The following NR6A1 variants were observed in gnomAD, a reference collection of about 807,000 sequenced individuals.
NR6A1 encodes nuclear receptor subfamily 6 group A member 1, also known as retinoic acid receptor-related testis-associated receptor.
Under a neutral mutation model 59.1 loss-of-function variants are expected in NR6A1, and 7 were observed. The observed-to-expected ratio is 0.12, with a 90% CI of 0.07 to 0.22. The LOEUF (loss-of-function observed/expected upper bound fraction) is 0.22. NR6A1 is among the 10% of genes least tolerant of loss of function. NR6A1 has a pLI of 1.00. For missense variants in NR6A1, 468 were observed against 611.6 expected (o/e 0.77, Z 2.48); for synonymous variants, 243 against 236.1 (o/e 1.03, Z -0.27).
rs554739460 is a variant in NR6A1, at chr9:124,526,867, C to A, written c.1113G>T (p.Arg371=). 1 of 1,614,068 alleles carries A rather than the reference C, an allele frequency of 6.2e-7. No homozygotes were observed. The highest frequency in any genetic ancestry group is 1.1e-5 in the South Asian group (1 of 91,076). The change falls in exon 8 of 10, where the codon CGG becomes CGT. Residue 371 remains arginine, a synonymous_variant. Coordinates refer to ENST00000487099, the MANE Select transcript of NR6A1 (RefSeq NM_033334.4). The part of the protein sequence containing the change: ...FSDEGMEVIE[R]LIYLYHKFHQ... ...GGAACTTGTGATAGAGGTAGATGAGCCGCTCGATCACCTCCATCCCTTCAT... is the reference window on the plus strand; with the variant it reads ...GGAACTTGTGATAGAGGTAGATGAGACGCTCGATCACCTCCATCCCTTCAT...
chr9:124,594,585 C>T (rs1356511218), intron 2 of NR6A1, among the ~76,000 whole-genome samples: 2 of 152,190 alleles, frequency 1.3e-5, no homozygotes, highest in Non-Finnish European at 2.9e-5. Context: ...AATTTCTATG[C>T]ATACTGGGGG....
At chr9:124,722,617 A>G (rs751473273) in intron 2 of NR6A1, among the ~76,000 whole-genome samples, 1 of 152,044 alleles carries the variant, frequency 6.6e-6, no homozygotes, top group South Asian at 2.1e-4. Flanking sequence ...TATCTTGCCT[A>G]TTTTTTATCT....
intron 2 of NR6A1, among the ~76,000 whole-genome samples, chr9:124,673,047 C>T (rs964942668): frequency 2.6e-5 from 4 of 152,134 alleles, no homozygotes; most frequent in African/African-American, 7.2e-5. Context: ...CTGAGCCAGG[C>T]GCGGTAGCTC....
intron 2 of NR6A1, among the ~76,000 whole-genome samples, chr9:124,608,800 CAT>C (rs1023187798): frequency 1.3e-5 from 2 of 152,168 alleles, no homozygotes; most frequent in African/African-American, 4.8e-5. Flanking sequence ...GCCTCACCAG[CAT>C]ATGTTGTTTC....
intron 2 of NR6A1, among the ~76,000 whole-genome samples, chr9:124,603,624 T>C (rs1835505790): frequency 1.3e-5 from 2 of 152,174 alleles, no homozygotes; most frequent in Admixed American, 1.3e-4. Flanking sequence ...ATATATAACA[T>C]ATGTATCCGT....
At chr9:124,538,007 G>C (rs547901186) in intron 6 of NR6A1, 85 bp downstream of exon 6, 1 of 1,095,220 alleles carries the variant, frequency 9.1e-7, no homozygotes, top group Non-Finnish European at 1.3e-6. Context: ...CTGAAGCCAC[G>C]GGTATAGGAG....
chr9:124,556,516 A>G (rs937802954), intron 2 of NR6A1, among the ~76,000 whole-genome samples: 4 of 148,260 alleles, frequency 2.7e-5, no homozygotes, highest in African/African-American at 1.0e-4. Context: ...GCTGGAGTGC[A>G]GTGGTTCAAT....
At chr9:124,632,216 C>A (rs1836466263) in intron 2 of NR6A1, among the ~76,000 whole-genome samples, 1 of 152,158 alleles carries the variant, frequency 6.6e-6, no homozygotes, top group African/African-American at 2.4e-5. Context: ...AATGGTGTTA[C>A]TGTATCTAGG....
chr9:124,739,000 TA>T (rs397703492), intron 1 of NR6A1, among the ~76,000 whole-genome samples: 192 of 137,628 alleles, frequency 1.4e-3, no homozygotes, highest in Non-Finnish European at 1.2e-3. Flanking sequence ...AGACTCCATC[TA>T]AAAAAAAAAA....
chr9:124,634,770 C>A lies in NR6A1; in HGVS notation c.143-80200G>T, dbSNP rs143916637. Among the ~76,000 whole-genome samples the A allele has an allele frequency of 1.5e-4, 23 of 152,082 alleles. 1 individual carries two copies. In the East Asian group the frequency reaches 4.3e-3, roughly 28 times the overall value. On this transcript the variant is annotated intron_variant, in intron 2 of 9. Transcript: ENST00000487099. Reference sequence around the variant, plus strand: ...TCAGGAGGCGGAGTTTGCAATGAGCCGAGATCGCGCCACTGCACTCCAGCC... The same window carrying A: ...TCAGGAGGCGGAGTTTGCAATGAGCAGAGATCGCGCCACTGCACTCCAGCC...
intron 2 of NR6A1, among the ~76,000 whole-genome samples, chr9:124,594,196 T>C (rs1835208072): frequency 6.6e-6 from 1 of 152,262 alleles, no homozygotes; most frequent in African/African-American, 2.4e-5. Flanking sequence ...ATTAGAATTT[T>C]CAATGAAAGA....
At chr9:124,582,526 T>C (rs1269725835) in intron 2 of NR6A1, among the ~76,000 whole-genome samples, 1 of 151,976 alleles carries the variant, frequency 6.6e-6, no homozygotes, top group Non-Finnish European at 1.5e-5. Flanking sequence ...GACACACATT[T>C]ACCTATGTAA....
chr9:124,533,939 G>A (rs1425380937), intron 7 of NR6A1, among the ~76,000 whole-genome samples: 1 of 150,272 alleles, frequency 6.7e-6, no homozygotes, highest in Non-Finnish European at 1.5e-5. Flanking sequence ...GTGAGCCACC[G>A]CACCCGGCCA....
chr9:124,589,863 G>A (rs1004249947), intron 2 of NR6A1, among the ~76,000 whole-genome samples: 6 of 151,980 alleles, frequency 3.9e-5, no homozygotes, highest in African/African-American at 7.2e-5. Flanking sequence ...TCAAGAGATC[G>A]AGACCATCCT....
chr9:124,715,681 T>C (rs909693864), intron 2 of NR6A1, among the ~76,000 whole-genome samples: 6 of 152,096 alleles, frequency 3.9e-5, no homozygotes, highest in African/African-American at 1.4e-4. Context: ...GTTGATATGC[T>C]AATTCTGAAA....
intron 1 of NR6A1, among the ~76,000 whole-genome samples, chr9:124,743,838 G>A (rs1057293565): frequency 1.3e-5 from 2 of 152,202 alleles, no homozygotes; most frequent in African/African-American, 2.4e-5. Flanking sequence ...AAAACTGCAC[G>A]TACTGATGAT....
At chr9:124,608,104 T>C (rs759358558) in intron 2 of NR6A1, among the ~76,000 whole-genome samples, 4 of 152,070 alleles carry the variant, frequency 2.6e-5, no homozygotes, top group Middle Eastern at 3.4e-3. Context: ...GGAGGAAAAA[T>C]GACAACCAGA....
intron 2 of NR6A1, among the ~76,000 whole-genome samples, chr9:124,690,414 G>A (rs932936694): frequency 1.1e-4 from 17 of 152,128 alleles, no homozygotes; most frequent in Admixed American, 5.9e-4. Context: ...CCAATATTTC[G>A]TGGTTTCTCT....
At chr9:124,722,770 T>C (rs906765745) in intron 2 of NR6A1, among the ~76,000 whole-genome samples, 2 of 152,164 alleles carry the variant, frequency 1.3e-5, no homozygotes, top group East Asian at 1.9e-4. Context: ...CAGGCTAGAA[T>C]GCAGTGGTGC....
Sources: allele counts gnomAD v4.1 joint callset (sites outside exome capture counted in the v4.1 genomes callset), GRCh38; gene constraint gnomAD v4.1.1; transcripts MANE v1.5; gene names NCBI Gene and HGNC (gene_info 2026-07-23, HGNC 2026-07-21).